The following RPH3A variants were observed in gnomAD, a reference collection of about 807,000 sequenced individuals.
RPH3A encodes the protein rabphilin-3A.
A neutral mutation model predicts 102.2 loss-of-function variants in RPH3A; 48 were observed. The observed-to-expected ratio is 0.47, with a 90% CI of 0.37 to 0.60. RPH3A has a LOEUF of 0.60. Ranked by LOEUF, RPH3A falls within the 20% of genes least tolerant of loss-of-function variation. RPH3A has a pLI of 0.00. For missense variants in RPH3A, 781 were observed against 910.1 expected (o/e 0.86, Z 1.83); for synonymous variants, 310 against 324.3 (o/e 0.96, Z 0.47).
At chr12:112,633,996 C>T (rs2039826694) in intron 1 of RPH3A, among the ~76,000 whole-genome samples, 1 of 152,202 alleles carries the variant, frequency 6.6e-6, no homozygotes, top group East Asian at 1.9e-4. Flanking sequence ...CACTATTCTT[C>T]CCTAAGAACA....
intron 1 of RPH3A, among the ~76,000 whole-genome samples, chr12:112,598,444 T>G (rs2039533861): frequency 6.6e-6 from 1 of 152,210 alleles, no homozygotes; most frequent in Non-Finnish European, 1.5e-5. Flanking sequence ...TTTGTCCCCC[T>G]GAATGATACT....
chr12:112,773,063 T>C (rs1232899977), intron 1 of RPH3A, among the ~76,000 whole-genome samples: 1 of 152,248 alleles, frequency 6.6e-6, no homozygotes, highest in East Asian at 1.9e-4. Flanking sequence ...ATGCTGTTAA[T>C]TCATTCCTTT....
intron 1 of RPH3A, among the ~76,000 whole-genome samples, chr12:112,695,717 C>T (rs1196444994): frequency 6.6e-6 from 1 of 152,250 alleles, no homozygotes; most frequent in Non-Finnish European, 1.5e-5. Flanking sequence ...TGCCCACATT[C>T]ATGGAAGATT....
At chr12:112,576,909 C>T (rs201399341) in intron 1 of RPH3A, among the ~76,000 whole-genome samples, 105 of 114,522 alleles carry the variant, frequency 9.2e-4, no homozygotes, top group East Asian at 2.5e-3. Flanking sequence ...TCTTTTCTTC[C>T]TTTTTTTTTT....
chr12:112,657,805 G>A (rs1406254623), intron 1 of RPH3A, among the ~76,000 whole-genome samples: 2 of 152,204 alleles, frequency 1.3e-5, no homozygotes, highest in Non-Finnish European at 2.9e-5. Context: ...GGTAGGGAGT[G>A]CTGAGATGAT....
intron 2 of RPH3A, among the ~76,000 whole-genome samples, chr12:112,803,154 G>A (rs1276757058): frequency 6.6e-6 from 1 of 152,130 alleles, no homozygotes; most frequent in Non-Finnish European, 1.5e-5. Flanking sequence ...CAAGTGTGAG[G>A]GCAGCCCCAG....
At chr12:112,798,810 C>A (rs531339489) in intron 2 of RPH3A, among the ~76,000 whole-genome samples, 55 of 152,146 alleles carry the variant, frequency 3.6e-4, no homozygotes, top group African/African-American at 1.3e-3. Context: ...CTGCTTTCTC[C>A]TTGCAGTCTC....
chr12:112,840,290 G>A (rs538796478), intron 4 of RPH3A, among the ~76,000 whole-genome samples: 1 of 151,978 alleles, frequency 6.6e-6, no homozygotes, highest in Non-Finnish European at 1.5e-5. Context: ...ATAGAAATAC[G>A]CATCACCTCA....
At chr12:112,613,499 A>G (rs568159904) in intron 1 of RPH3A, among the ~76,000 whole-genome samples, 1 of 152,294 alleles carries the variant, frequency 6.6e-6, no homozygotes, top group Admixed American at 6.5e-5. Flanking sequence ...CCTTCCAGCA[A>G]AAGGGACTTT....
At chr12:112,696,783 G>T (rs1256794827) in intron 1 of RPH3A, among the ~76,000 whole-genome samples, 1 of 152,002 alleles carries the variant, frequency 6.6e-6, no homozygotes, top group African/African-American at 2.4e-5. Context: ...TCTCTTTTTG[G>T]TCTCCATCAT....
At chr12:112,656,802 T>TATATAC (rs1165466389) in intron 1 of RPH3A, among the ~76,000 whole-genome samples, 13 of 152,024 alleles carry the variant, frequency 8.6e-5, no homozygotes, top group African/African-American at 3.1e-4. Context: ...TGTGTATATA[T>TATATAC]ATATACATAT....
At chr12:112,689,091 G>T (rs1219633413) in intron 1 of RPH3A, among the ~76,000 whole-genome samples, 3 of 152,194 alleles carry the variant, frequency 2.0e-5, no homozygotes, top group Non-Finnish European at 4.4e-5. Context: ...TAAACAATGT[G>T]TCTGAATTTG....
At position 112,890,098 on chromosome 12, in the gene RPH3A, A is replaced by G. The variant is rs2043067909; in HGVS notation, c.1620+18A>G. The G allele has an allele frequency of 6.2e-7, 1 of 1,611,844 alleles. No homozygotes were observed. Among genetic ancestry groups the G allele is most frequent in the South Asian group, 1.1e-5 (1 of 91,044 alleles). On this transcript the variant is annotated intron_variant, in intron 18 of 21. Transcript: ENST00000389385. The stretch of plus-strand genomic sequence containing the variant: ...AGGAAGAGGTGAGCACTGAGCAGGA[A>G]TTGAAGCCACAGTCAGGGTCTGTAC...
intron 5 of RPH3A, among the ~76,000 whole-genome samples, chr12:112,860,527 C>T (rs544815385): frequency 1.5e-4 from 23 of 152,254 alleles, no homozygotes; most frequent in African/African-American, 4.6e-4. Flanking sequence ...TTGCAAGTGA[C>T]GGGCAAGTCC....
chr12:112,838,542 C>T (rs1427733743), intron 4 of RPH3A, among the ~76,000 whole-genome samples: 1 of 152,164 alleles, frequency 6.6e-6, no homozygotes, highest in African/African-American at 2.4e-5. Flanking sequence ...CCTGCAGACA[C>T]CTGCCCATGT....
rs570109668 is a variant in RPH3A, at chr12:112,884,856, C to T, written c.1436+1454C>T. Among the ~76,000 whole-genome samples, 32 of 152,246 alleles carry T rather than the reference C, an allele frequency of 2.1e-4. No homozygotes were observed. In the East Asian group the frequency reaches 2.3e-3, roughly 11 times the overall value. ...GGAACATTCCTAGACTGCAGAAGAC[C>T]CCCACTGTGGCCCCTTCTTATTGAA... On this transcript the variant is annotated intron_variant, in intron 16 of 21. Coordinates refer to ENST00000389385, the MANE Select transcript of RPH3A (RefSeq NM_001143854.2).
At chr12:112,604,357 C>T (rs1159877262) in intron 1 of RPH3A, among the ~76,000 whole-genome samples, 1 of 152,078 alleles carries the variant, frequency 6.6e-6, no homozygotes, top group African/African-American at 2.4e-5. Context: ...AACTTTTTTC[C>T]ATGTTATAAA....
chr12:112,602,930 TA>T (rs2039569772), intron 1 of RPH3A, among the ~76,000 whole-genome samples: 1 of 152,180 alleles, frequency 6.6e-6, no homozygotes, highest in Admixed American at 6.5e-5. Context: ...ATTTAAGTTT[TA>T]AGTGATATGG....
At chr12:112,746,175 T>C (rs748306417) in intron 1 of RPH3A, among the ~76,000 whole-genome samples, 1 of 152,130 alleles carries the variant, frequency 6.6e-6, no homozygotes, top group Non-Finnish European at 1.5e-5. Context: ...CTTTAGCAAA[T>C]GAATGCTCTT....
Sources: allele counts gnomAD v4.1 joint callset (sites outside exome capture counted in the v4.1 genomes callset), GRCh38; gene constraint gnomAD v4.1.1; transcripts MANE v1.5; gene names NCBI Gene and HGNC (gene_info 2026-07-23, HGNC 2026-07-21).